CERS4: variants seen among roughly 807,000 people sequenced by gnomAD.
CERS4 encodes the protein ceramide synthase 4.
Under a neutral mutation model 51.8 loss-of-function variants are expected in CERS4, and 65 were observed. That is an observed-to-expected ratio of 1.26 (90% CI 1.03 to 1.54). The LOEUF (loss-of-function observed/expected upper bound fraction) is 1.54. Ranked by LOEUF, CERS4 falls within the 40% of genes most tolerant of loss-of-function variation. CERS4 has a pLI of 0.00. For synonymous variants in CERS4, 228 were observed against 208.4 expected, an observed-to-expected ratio of 1.09 and a Z score of -0.81; for missense variants, 563 against 500.4, an observed-to-expected ratio of 1.13 and a Z score of -1.19.
chr19:8,218,478 G>A (rs1248086169), intron 2 of CERS4, among the ~76,000 whole-genome samples: 6 of 152,224 alleles, frequency 3.9e-5, no homozygotes, highest in Non-Finnish European at 2.9e-5. Context: ...GAATCCACCC[G>A]TGGAGACCCT....
chr19:8,261,606 G>A (rs2145348887), intron 10 of CERS4, 82 bp from the exon 11 acceptor site: 6 of 1,525,140 alleles, frequency 3.9e-6, no homozygotes, highest in Non-Finnish European at 5.4e-6. Flanking sequence ...AGCAGGGAAG[G>A]CCATGCCAGT....
intron 2 of CERS4, among the ~76,000 whole-genome samples, chr19:8,245,126 A>AACAAACAAAAACAAAAAAACAAAC (rs71175820): frequency 2.0e-5 from 3 of 148,130 alleles, no homozygotes; most frequent in Admixed American, 6.7e-5. Flanking sequence ...AAAAAAAAAA[A>AACAAACAAAAACAAAAAAACAAAC]AAAAAAAAAC....
intron 10 of CERS4, chr19:8,261,030 G>A (rs969012847): frequency 6.6e-6 from 1 of 151,856 alleles, no homozygotes; most frequent in Non-Finnish European, 1.5e-5. Flanking sequence ...TGGGCTCCAG[G>A]ACAGTGTCCC....
chr19:8,220,465 C>T (rs1490447830), intron 2 of CERS4, among the ~76,000 whole-genome samples: 2 of 152,098 alleles, frequency 1.3e-5, no homozygotes, highest in Non-Finnish European at 2.9e-5. Flanking sequence ...CCACCATGCC[C>T]AGGTAATTTT....
In CERS4 at chr19:8,257,010, G is replaced by C; in HGVS notation, c.674G>C (p.Ser225Thr). 1 of 1,613,862 alleles carries C rather than the reference G, an allele frequency of 6.2e-7. No individual in the cohort carries two copies. The highest frequency in any genetic ancestry group is 8.5e-7 in the Non-Finnish European group (1 of 1,179,862). ...GTCATCCTGATGACCTTCTCCTACA[G>C]TGCCAACCTGCTGCGCATTGGCTCT... ...VAVILMTFSY[S>T]ANLLRIGSLV... is the part of the protein sequence containing the mutation. The change falls in exon 9 of 12, where the codon AGT becomes ACT. Residue 225 changes from serine to threonine, a missense_variant. Transcript: ENST00000251363.
intron 2 of CERS4, among the ~76,000 whole-genome samples, chr19:8,248,134 G>A (rs186000352): frequency 4.7e-4 from 71 of 152,240 alleles, no homozygotes; most frequent in African/African-American, 1.6e-3. Context: ...TACCCGGCCC[G>A]TTATACTTTG....
Position 8,255,535 on chromosome 19 carries a change from G to A in CERS4, c.292-72G>A, listed in dbSNP as rs1599588885. ...CCTGCAGTGGAGAGGGCAGAGCCAAGTCCTGTCTGGGGACATGGGGGAAGC... is the reference window on the plus strand; with the variant it reads ...CCTGCAGTGGAGAGGGCAGAGCCAAATCCTGTCTGGGGACATGGGGGAAGC... On this transcript the variant is annotated intron_variant, in intron 4 of 11. Transcript: ENST00000251363. 4 of 1,362,850 alleles carry A rather than the reference G, an allele frequency of 2.9e-6. No individual in the cohort carries two copies. The East Asian group carries it at 9.2e-5, about 31-fold the overall frequency. 84.4% of individuals were successfully genotyped at this position (1,362,850 alleles called of 1,614,324 possible).
At chr19:8,223,719 G>C (rs571298822) in intron 2 of CERS4, among the ~76,000 whole-genome samples, 2 of 152,136 alleles carry the variant, frequency 1.3e-5, no homozygotes, top group African/African-American at 2.4e-5. Context: ...CTGGGAGGTC[G>C]AAACTGCAGT....
intron 2 of CERS4, among the ~76,000 whole-genome samples, chr19:8,246,252 A>C (rs1267273475): frequency 6.6e-6 from 1 of 152,090 alleles, no homozygotes; most frequent in Non-Finnish European, 1.5e-5. Flanking sequence ...AAACTCAGTG[A>C]CTGTACCCTT....
intron 2 of CERS4, among the ~76,000 whole-genome samples, chr19:8,238,314 GA>G (rs1337560620): frequency 6.6e-6 from 1 of 152,068 alleles, no homozygotes. Context: ...CTGGGGAGGG[GA>G]CTCTGCCTAG....
At chr19:8,235,051 C>G (rs1198342461) in intron 2 of CERS4, among the ~76,000 whole-genome samples, 1 of 141,272 alleles carries the variant, frequency 7.1e-6, no homozygotes, top group Non-Finnish European at 1.5e-5. Flanking sequence ...TCTTGTTGCC[C>G]AGACTGGAGT....
In CERS4 at chr19:8,220,975, C is replaced by T. The variant is rs149880925; in HGVS notation, c.-2+10113C>T. 2.0e-3 allele frequency among the ~76,000 whole-genome samples: 310 copies of T among 152,118 alleles called. 2 individuals carry two copies. Among genetic ancestry groups the T allele is most frequent in the African/African-American group, 6.6e-3 (274 of 41,500 alleles). On this transcript the variant is annotated intron_variant, in intron 2 of 11. Transcript: ENST00000251363. ...TAGCTGGGACTATAGGCGCCCGCCA[C>T]GGTGCCTGGCTAATTTTTTTGTATT...
At chr19:8,221,366 C>A (rs1487690499) in intron 2 of CERS4, among the ~76,000 whole-genome samples, 1 of 152,034 alleles carries the variant, frequency 6.6e-6, no homozygotes, top group Non-Finnish European at 1.5e-5. Flanking sequence ...TTGCCAACAT[C>A]GGGAACTGGT....
chr19:8,258,961 C>T (rs1969536678), intron 10 of CERS4, among the ~76,000 whole-genome samples: 2 of 151,892 alleles, frequency 1.3e-5, no homozygotes, highest in African/African-American at 4.8e-5. Flanking sequence ...CAGAGAAACC[C>T]TGTCTCTACT....
In CERS4 at chr19:8,262,175, G is replaced by C. The variant is rs1969745396; in HGVS notation, c.*66G>C. On this transcript the variant is annotated 3_prime_UTR_variant, in exon 12 of 12. Coordinates refer to ENST00000251363, the MANE Select transcript of CERS4 (RefSeq NM_024552.3). ...GCCTTGGATATTTCTGGGGTGACTG[G>C]ACTGGCGCCCCTGGGCCACCTTTCT... is the stretch of plus-strand genomic sequence containing the variant. 2 of 1,382,546 alleles carry C rather than the reference G, an allele frequency of 1.4e-6. No homozygotes were observed. The highest frequency in any genetic ancestry group is 9.3e-7 in the Non-Finnish European group (1 of 1,070,288). The allele number at this position is 1,382,546 out of a possible 1,614,324, so 85.6% of individuals were successfully genotyped here. A position where few individuals can be genotyped will look rare whatever the true frequency, so the allele number is the denominator to read the frequency against.
In CERS4 at chr19:8,257,963, C is replaced by T. The variant is rs932198588; in HGVS notation, c.826C>T (p.Arg276Ter). The T allele has an allele frequency of 6.8e-6, 11 of 1,613,796 alleles. No homozygotes were observed. Among genetic ancestry groups the T allele is most frequent in the Admixed American group, 1.7e-5 (1 of 59,994 alleles). ...LIFSFVFFYT[R>*]LVLFPTQILY... ...CTTCTCCTTTGTCTTCTTCTACACCCGACTGGTCCTCTTTCCCACCCAGTG... is the reference window on the plus strand; with the variant it reads ...CTTCTCCTTTGTCTTCTTCTACACCTGACTGGTCCTCTTTCCCACCCAGTG... The change falls in exon 10 of 12, where the codon CGA (arginine) becomes TGA (stop). Residue 276 changes from arginine to a stop codon, truncating the protein, a stop_gained. Transcript: ENST00000251363. LOFTEE classifies it high-confidence loss of function.
At chr19:8,228,021 CCAGA>C (rs1301970999) in intron 2 of CERS4, among the ~76,000 whole-genome samples, 1 of 152,058 alleles carries the variant, frequency 6.6e-6, no homozygotes, top group Non-Finnish European at 1.5e-5. Flanking sequence ...GCCACCACGC[CCAGA>C]CAATTTTTGT....
At chr19:8,256,075 C>T (rs1200968759) in intron 6 of CERS4, 161 bp from the exon 7 acceptor site, 4 of 942,442 alleles carry the variant, frequency 4.2e-6, no homozygotes, top group Non-Finnish European at 4.8e-6. Flanking sequence ...TGGGGTTCTG[C>T]AGTGAATGAG....
Position 8,255,824 on chromosome 19 carries a change from G to A in CERS4, c.413G>A (p.Trp138Ter). The A allele has an allele frequency of 6.2e-7, 1 of 1,613,982 alleles. No homozygotes were observed. Among genetic ancestry groups the A allele is most frequent in the Non-Finnish European group, 8.5e-7 (1 of 1,180,020 alleles). The stretch of plus-strand genomic sequence containing the variant: ...CACAGCTCCCTCCCCATCCACAGCT[G>A]GAGGTTTCTCTTCTACCTGTCCTCC... ...QLTKKFCEAS[W>*]RFLFYLSSFV... is the part of the protein sequence containing the mutation. Residue 138 changes from tryptophan to a stop codon, truncating the protein, a stop_gained and splice_region_variant, in exon 6 of 12, where the codon TGG becomes TAG. Transcript: ENST00000251363. LOFTEE classifies it high-confidence loss of function.
Sources: allele counts gnomAD v4.1 joint callset (sites outside exome capture counted in the v4.1 genomes callset), GRCh38; gene constraint gnomAD v4.1.1; transcripts MANE v1.5; gene names NCBI Gene and HGNC (gene_info 2026-07-23, HGNC 2026-07-21).